TM9SF3: variants seen among roughly 807,000 people sequenced by gnomAD.
TM9SF3 encodes the protein SM-11044-binding protein.
In TM9SF3, 14 loss-of-function variants were observed where a neutral mutation model predicts 78.6. That is an observed-to-expected ratio of 0.18 (90% confidence interval 0.12 to 0.28). The LOEUF is 0.28. Among genes scored for constraint, TM9SF3 ranks in the 10% least tolerant of loss-of-function variants. The pLI is 1.00. For missense variants in TM9SF3, 496 were observed against 721.9 expected, an observed-to-expected ratio of 0.69 and a Z score of 3.59; for synonymous variants, 231 against 241.7, an observed-to-expected ratio of 0.96 and a Z score of 0.41.
intron 9 of TM9SF3, 113 bp downstream of exon 9, chr10:96,543,963 T>C (rs1281608518): frequency 8.8e-7 from 1 of 1,134,676 alleles, no homozygotes; most frequent in Non-Finnish European, 1.2e-6. Context: ...GGACTGAGTA[T>C]GAACTGACTG....
At chr10:96,558,645 CA>C (rs1202672629) in intron 5 of TM9SF3, among the ~76,000 whole-genome samples, 1,865 of 88,050 alleles carry the variant, frequency 0.021, 29 homozygotes, top group African/African-American at 0.057. Context: ...GGCTCTGTCT[CA>C]AAAAAAAAAA....
intron 1 of TM9SF3, 90 bp downstream of exon 1, chr10:96,586,644 G>A: frequency 2.1e-5 from 23 of 1,099,998 alleles, no homozygotes; most frequent in Non-Finnish European, 2.6e-5. Context: ...GCACCACCGG[G>A]CCGCCGGGCA....
chr10:96,550,445 T>C (rs138227034), intron 7 of TM9SF3, among the ~76,000 whole-genome samples: 11 of 152,216 alleles, frequency 7.2e-5, no homozygotes, highest in African/African-American at 2.2e-4. Flanking sequence ...GAGTGCATTA[T>C]GAACTAAAAC....
At position 96,519,256 on chromosome 10, in the gene TM9SF3, C is replaced by T. The variant is rs1847732102; in HGVS notation, c.*3007G>A. 1 of 151,956 alleles carries T rather than the reference C, an allele frequency of 6.6e-6. No individual in the cohort carries two copies. Among genetic ancestry groups the T allele is most frequent in the African/African-American group, 2.4e-5 (1 of 41,420 alleles). 9.4% of individuals were successfully genotyped at this position (151,956 alleles called of 1,614,324 possible). A position where few individuals can be genotyped will look rare whatever the true frequency, so the allele number is the denominator to read the frequency against. On this transcript the variant is annotated 3_prime_UTR_variant, in exon 15 of 15. Coordinates refer to ENST00000371142, the MANE Select transcript of TM9SF3 (RefSeq NM_020123.4). ...CTAAATAAAGTGGCTTTTGGAAGAA[C>T]TGGATTTTGCAGCAACCAACTTTAT...
At chr10:96,547,687 C>T (rs973217893) in intron 8 of TM9SF3, among the ~76,000 whole-genome samples, 1 of 152,090 alleles carries the variant, frequency 6.6e-6, no homozygotes, top group Non-Finnish European at 1.5e-5. Context: ...GGCATGGTGG[C>T]ACACACCTGT....
Position 96,547,889 on chromosome 10 carries a change from A to C in TM9SF3, c.1054+6T>G, listed in dbSNP as rs1368358790. On this transcript the variant is annotated splice_donor_region_variant and intron_variant, in intron 8 of 14. Coordinates refer to ENST00000371142, the MANE Select transcript of TM9SF3 (RefSeq NM_020123.4). ...TAACAACATGAAGTGAGAATTCGTA[A>C]GTTACCTCCTTGTCTAGCATACAGA... The C allele has an allele frequency of 6.3e-7, 1 of 1,597,882 alleles. No individual in the cohort carries two copies. The highest frequency in any genetic ancestry group is 1.8e-5 in the Admixed American group (1 of 56,602).
intron 8 of TM9SF3, among the ~76,000 whole-genome samples, chr10:96,546,962 C>A (rs956110175): frequency 6.6e-6 from 1 of 152,176 alleles, no homozygotes; most frequent in African/African-American, 2.4e-5. Flanking sequence ...ACTTTTCTGA[C>A]CTCAGACTAC....
chr10:96,530,224 T>C (rs1360817193), intron 11 of TM9SF3, among the ~76,000 whole-genome samples: 1 of 152,140 alleles, frequency 6.6e-6, no homozygotes, highest in African/African-American at 2.4e-5. Context: ...TAAAATACAA[T>C]AAAAACCAGG....
At chr10:96,576,594 A>G in intron 2 of TM9SF3, 40 bp downstream of exon 2, 1 of 1,514,986 alleles carries the variant, frequency 6.6e-7, no homozygotes, top group Non-Finnish European at 8.8e-7. Flanking sequence ...CCTTGTCTAC[A>G]ATCCAAATTG....
At position 96,553,239 on chromosome 10, in the gene TM9SF3, G is replaced by C. The variant is rs139368406; in HGVS notation, c.661-180C>G. On this transcript the variant is annotated intron_variant, in intron 5 of 14. Transcript: ENST00000371142. ...GAGTATTCATTATGCCAAGGGGATT[G>C]GCTTTCTTTACAATAAGCACCCATA... Among the ~76,000 whole-genome samples, 253 of 152,146 alleles carry C rather than the reference G, an allele frequency of 1.7e-3. 1 individual carries two copies. The highest frequency in any genetic ancestry group is 3.4e-3 in the Middle Eastern group (1 of 294).
intron 10 of TM9SF3, among the ~76,000 whole-genome samples, chr10:96,531,112 G>T (rs1847889160): frequency 6.6e-6 from 1 of 151,998 alleles, no homozygotes; most frequent in Admixed American, 6.6e-5. Flanking sequence ...ATTTATAATG[G>T]CACCAAAGAA....
intron 1 of TM9SF3, among the ~76,000 whole-genome samples, chr10:96,580,482 G>T (rs1391961126): frequency 2.0e-5 from 3 of 152,040 alleles, no homozygotes; most frequent in Admixed American, 2.0e-4. Context: ...TAGCCAGGAC[G>T]GTCTCGATCT....
At chr10:96,570,767 T>C (rs74600659) in intron 2 of TM9SF3, among the ~76,000 whole-genome samples, 2 of 152,050 alleles carry the variant, frequency 1.3e-5, no homozygotes, top group South Asian at 4.2e-4. Context: ...AAAATTGAGA[T>C]GGAGTTTTGC....
At chr10:96,541,894 C>A (rs1564931117) in intron 9 of TM9SF3, among the ~76,000 whole-genome samples, 1 of 152,122 alleles carries the variant, frequency 6.6e-6, no homozygotes, top group Admixed American at 6.5e-5. Context: ...GGTCTGGGAG[C>A]CTTTCGGCTC....
intron 1 of TM9SF3, among the ~76,000 whole-genome samples, chr10:96,579,215 C>T (rs1026109864): frequency 2.0e-5 from 3 of 152,010 alleles, no homozygotes; most frequent in Non-Finnish European, 4.4e-5. Context: ...TGCTATGTAC[C>T]CTGACTGTAA....
At chr10:96,544,018 G>A in intron 9 of TM9SF3, 58 bp downstream of exon 9, 1 of 1,538,580 alleles carries the variant, frequency 6.5e-7, no homozygotes, top group Non-Finnish European at 8.8e-7. Flanking sequence ...AGGGTGAGTA[G>A]GTCTCAGTTA....
At chr10:96,534,087 T>C (rs1233708835) in intron 9 of TM9SF3, among the ~76,000 whole-genome samples, 10 of 151,580 alleles carry the variant, frequency 6.6e-5, no homozygotes, top group Non-Finnish European at 1.5e-4. Flanking sequence ...AAGACACTGA[T>C]TGAGAGAAAT....
At chr10:96,542,801 A>G (rs1053005754) in intron 9 of TM9SF3, among the ~76,000 whole-genome samples, 1 of 152,110 alleles carries the variant, frequency 6.6e-6, no homozygotes, top group Non-Finnish European at 1.5e-5. Context: ...AAAAATTTCC[A>G]TTCTGAAACA....
At chr10:96,537,161 C>T (rs1399096020) in intron 9 of TM9SF3, among the ~76,000 whole-genome samples, 2 of 152,120 alleles carry the variant, frequency 1.3e-5, no homozygotes, top group Non-Finnish European at 2.9e-5. Context: ...TCATATTGTT[C>T]AAAAGTCAAC....
Sources: gnomAD v4.1 joint callset for allele counts (sites outside exome capture counted in the v4.1 genomes callset) on GRCh38, gnomAD v4.1.1 for gene constraint, MANE v1.5 for transcripts, NCBI Gene and HGNC (gene_info 2026-07-23, HGNC 2026-07-21) for gene names.